The following MYO5B variants were observed in gnomAD, a reference collection of about 807,000 sequenced individuals.
MYO5B encodes the protein myosin VB, also known as unconventional myosin-Vb.
A neutral mutation model predicts 229.3 loss-of-function variants in MYO5B; 143 were observed. That is an observed-to-expected ratio of 0.62 (90% CI 0.54 to 0.72). The LOEUF (loss-of-function observed/expected upper bound fraction) is 0.72. Among genes scored for constraint, MYO5B ranks in the 30% least tolerant of loss-of-function variants. MYO5B has a pLI of 0.00. For missense variants in MYO5B, 2,321 were observed against 2,331.0 expected (o/e 1.00, Z 0.09); for synonymous variants, 918 against 885.2 (o/e 1.04, Z -0.66).
At chr18:50,012,921 GA>G (rs1226298509) in intron 4 of MYO5B, among the ~76,000 whole-genome samples, 1 of 152,234 alleles carries the variant, frequency 6.6e-6, no homozygotes, top group Non-Finnish European at 1.5e-5. Context: ...GCTTCAGACT[GA>G]AGGCATTCTA....
At chr18:49,946,680 A>G (rs1787295) in intron 14 of MYO5B, among the ~76,000 whole-genome samples, 4,903 of 114,902 alleles carry the variant, frequency 0.043, 254 homozygotes, top group African/African-American at 0.13. Context: ...TGGAATCAAC[A>G]TAATCAAGGT....
chr18:50,158,293 T>C (rs1467087), intron 1 of MYO5B, among the ~76,000 whole-genome samples: 84,137 of 151,936 alleles, frequency 0.55, 23,619 homozygotes, highest in South Asian at 0.65. Flanking sequence ...GATCCCTGGA[T>C]CTCCCAATGA....
At chr18:50,128,521 C>T (rs1349518461) in intron 1 of MYO5B, among the ~76,000 whole-genome samples, 1 of 152,140 alleles carries the variant, frequency 6.6e-6, no homozygotes, top group Non-Finnish European at 1.5e-5. Flanking sequence ...TATACCTGTC[C>T]AGGTAGGAGA....
At chr18:50,105,552 CG>C (rs1599024208) in intron 1 of MYO5B, among the ~76,000 whole-genome samples, 1 of 152,194 alleles carries the variant, frequency 6.6e-6, no homozygotes, top group East Asian at 1.9e-4. Flanking sequence ...TTCTTAGAAG[CG>C]GAACTATAGT....
intron 4 of MYO5B, among the ~76,000 whole-genome samples, chr18:50,016,188 G>A (rs1274435701): frequency 6.6e-6 from 1 of 152,154 alleles, no homozygotes; most frequent in Non-Finnish European, 1.5e-5. Flanking sequence ...TTGATTAACT[G>A]TTTCATTAAT....
chr18:50,035,132 G>A (rs763121459), intron 4 of MYO5B, among the ~76,000 whole-genome samples: 2 of 152,196 alleles, frequency 1.3e-5, no homozygotes, highest in Non-Finnish European at 2.9e-5. Context: ...AAGAACAGAG[G>A]AATCTTGTCA....
intron 17 of MYO5B, among the ~76,000 whole-genome samples, chr18:49,918,652 A>C (rs1171053568): frequency 6.6e-6 from 1 of 152,204 alleles, no homozygotes; most frequent in Non-Finnish European, 1.5e-5. Context: ...TGTTCCCTAC[A>C]AGGTCTCACA....
chr18:50,181,898 G>A (rs947567084), intron 1 of MYO5B, among the ~76,000 whole-genome samples: 4 of 152,220 alleles, frequency 2.6e-5, no homozygotes, highest in South Asian at 2.1e-4. Flanking sequence ...CCCTCATTAC[G>A]GAATTCAGGC....
chr18:50,175,257 T>G (rs973128421), intron 1 of MYO5B, among the ~76,000 whole-genome samples: 2 of 152,230 alleles, frequency 1.3e-5, no homozygotes, highest in East Asian at 3.9e-4. Context: ...TCCACCATCA[T>G]GATCATCCTT....
chr18:50,073,058 C>T (rs79373100), intron 1 of MYO5B, among the ~76,000 whole-genome samples: 5,771 of 152,252 alleles, frequency 0.038, 362 homozygotes, highest in African/African-American at 0.13. Context: ...GGACTCTCAC[C>T]TAATCCTTCA....
At chr18:50,142,388 G>A (rs1247925442) in intron 1 of MYO5B, among the ~76,000 whole-genome samples, 1 of 152,186 alleles carries the variant, frequency 6.6e-6, no homozygotes, top group East Asian at 1.9e-4. Context: ...CTGTAAGGAA[G>A]TGCAATTCTA....
At chr18:49,883,498 T>C (rs1448622851) in intron 22 of MYO5B, among the ~76,000 whole-genome samples, 1 of 152,172 alleles carries the variant, frequency 6.6e-6, no homozygotes. Flanking sequence ...TCTTAATAAA[T>C]GGAAAGACAT....
chr18:50,010,166 A>G, intron 4 of MYO5B, among the ~76,000 whole-genome samples: 1 of 152,244 alleles, frequency 6.6e-6, no homozygotes, highest in South Asian at 2.1e-4. Context: ...AGTGTAAGAG[A>G]TAAGTACTTA....
rs1305305683 is a variant in MYO5B at position 50,171,875 on chromosome 18, A to G, written c.27+22892T>C. ...GAGAGAAAGCCAGAAGAGGCTCCTC[A>G]TATAACAGCCAAATCCAAAACTCAA... On this transcript the variant is annotated intron_variant, in intron 1 of 39. Coordinates refer to ENST00000285039, the MANE Select transcript of MYO5B (RefSeq NM_001080467.3). Among the ~76,000 whole-genome samples, 7 of 128,178 alleles carry G rather than the reference A, an allele frequency of 5.5e-5. 3 individuals are homozygous for G. Among genetic ancestry groups the G allele is most frequent in the African/African-American group, 2.1e-4 (7 of 33,922 alleles). The allele number at this position is 128,178 out of a possible 152,430, so 84.1% of individuals were successfully genotyped here. A position where few individuals can be genotyped will look rare whatever the true frequency, so the allele number is the denominator to read the frequency against.
chr18:49,902,492 G>T, intron 21 of MYO5B, 102 bp downstream of exon 21: 2 of 1,526,002 alleles, frequency 1.3e-6, no homozygotes, highest in Non-Finnish European at 9.0e-7. Flanking sequence ...GTGCTCCCTC[G>T]GGTCTTCGGC....
At position 49,890,986 on chromosome 18, in the gene MYO5B, C is replaced by T. The variant is rs116999696; in HGVS notation, c.3045+3955G>A. On this transcript the variant is annotated intron_variant, in intron 22 of 39. Transcript: ENST00000285039. ...ATGTGTTTTAATTCCTCTCTCACCC[C>T]TAAGCTCACAGAAGCTGAAGTGCCT... 2.6e-3 allele frequency among the ~76,000 whole-genome samples: 394 copies of T among 152,328 alleles called. 1 individual carries two copies. Among genetic ancestry groups the T allele is most frequent in the Non-Finnish European group, 4.8e-3 (324 of 68,034 alleles).
intron 1 of MYO5B, among the ~76,000 whole-genome samples, chr18:50,137,675 T>G (rs927887641): frequency 6.6e-6 from 1 of 152,072 alleles, no homozygotes; most frequent in African/African-American, 2.4e-5. Context: ...TAAAGACACA[T>G]GTACACCAAT....
At chr18:49,845,294 T>C (rs1462877401) in intron 33 of MYO5B, among the ~76,000 whole-genome samples, 1 of 152,178 alleles carries the variant, frequency 6.6e-6, no homozygotes, top group Non-Finnish European at 1.5e-5. Flanking sequence ...TTAAGCTTTT[T>C]AAAAGAGCAA....
At chr18:50,024,126 C>T (rs909885465) in intron 4 of MYO5B, among the ~76,000 whole-genome samples, 2 of 152,110 alleles carry the variant, frequency 1.3e-5, no homozygotes, top group African/African-American at 4.8e-5. Context: ...TTAATATGTG[C>T]AATGACAAAT....
Sources: gnomAD v4.1 joint callset for allele counts (sites outside exome capture counted in the v4.1 genomes callset) on GRCh38, gnomAD v4.1.1 for gene constraint, MANE v1.5 for transcripts, NCBI Gene and HGNC (gene_info 2026-07-23, HGNC 2026-07-21) for gene names.